Variants in COMMD6 observed in about 807,000 individuals in gnomAD.
The protein encoded by COMMD6 is COMM domain containing 6, also known as COMM domain-containing protein 6.
A neutral mutation model predicts 13.4 loss-of-function variants in COMMD6; 11 were observed. The ratio of observed to expected loss-of-function variants is 0.82; its 90% confidence interval spans 0.52 to 1.36. The LOEUF (loss-of-function observed/expected upper bound fraction) is 1.36. COMMD6 is among the 40% of genes most tolerant of loss of function. The probability of loss-of-function intolerance (pLI) is 0.00; values close to 1 mark genes in which losing one functional copy is unlikely to be tolerated. For synonymous variants in COMMD6, 43 were observed against 36.5 expected, an observed-to-expected ratio of 1.18 and a Z score of -0.64; for missense variants, 124 against 102.4, an observed-to-expected ratio of 1.21 and a Z score of -0.91.
upstream of COMMD6, among the ~76,000 whole-genome samples, chr13:75,542,228 C>A (rs542517931): frequency 8.2e-4 from 124 of 151,154 alleles, no homozygotes; most frequent in African/African-American, 2.8e-3. Flanking sequence ...GGCATTTATG[C>A]ATGAAAGCTG....
chr13:75,537,127 T>C (rs527621906), intron 2 of COMMD6, among the ~76,000 whole-genome samples: 48 of 152,356 alleles, frequency 3.2e-4, no homozygotes, highest in Non-Finnish European at 6.0e-4. Flanking sequence ...TTAGTACTCC[T>C]ATTCTGGGAA....
At chr13:75,537,968 T>G (rs1051794245), upstream of COMMD6, 38 of 624,182 alleles carry the variant, frequency 6.1e-5, 1 homozygote, top group Admixed American at 5.5e-4. Flanking sequence ...TAATTCAACA[T>G]ATATCTTAGG....
intron 1 of COMMD6, among the ~76,000 whole-genome samples, chr13:75,548,185 G>C (rs899707939): frequency 2.6e-5 from 4 of 152,234 alleles, no homozygotes; most frequent in African/African-American, 9.6e-5. Flanking sequence ...ACTGAGTCCA[G>C]CAGAGACTAA....
Position 75,530,538 on chromosome 13 carries a change from C to T in COMMD6, c.55-272G>A, listed in dbSNP as rs932076668. The T allele has an allele frequency of 3.4e-5, 8 of 234,060 alleles. No homozygotes were observed. In the South Asian group the frequency reaches 4.8e-4, roughly 14 times the overall value. 14.5% of individuals were successfully genotyped at this position (234,060 alleles called of 1,614,324 possible). ...AAAAAATCTCCCCTCCAATGTATAACGGAAGTGGAAGGAAGATGTGGCAGT... is the reference window on the plus strand; with the variant it reads ...AAAAAATCTCCCCTCCAATGTATAATGGAAGTGGAAGGAAGATGTGGCAGT... On this transcript the variant is annotated intron_variant, in intron 2 of 3. Transcript: ENST00000682242.
intron 2 of COMMD6, among the ~76,000 whole-genome samples, chr13:75,536,245 A>T (rs1048896213): frequency 1.6e-4 from 25 of 152,242 alleles, no homozygotes; most frequent in African/African-American, 5.8e-4. Flanking sequence ...GAACTAAAGA[A>T]CGTTCAACAA....
chr13:75,537,579 AC>A (rs2030718084), intron 2 of COMMD6, 84 bp downstream of exon 2: 5 of 1,600,898 alleles, frequency 3.1e-6, no homozygotes, highest in Middle Eastern at 2.0e-4. Flanking sequence ...ACTAGGGGAG[AC>A]CTGGGGAAGG....
chr13:75,539,700 G>A (rs565223415), upstream of COMMD6, among the ~76,000 whole-genome samples: 4 of 152,152 alleles, frequency 2.6e-5, no homozygotes, highest in Admixed American at 1.3e-4. Flanking sequence ...TCATAGGGTT[G>A]TTGGAGAATT....
chr13:75,548,657 T>C (rs1487943933), intron 1 of COMMD6, among the ~76,000 whole-genome samples: 2 of 152,236 alleles, frequency 1.3e-5, no homozygotes, highest in Non-Finnish European at 2.9e-5. Flanking sequence ...TGACAAGTGA[T>C]GTTTCTGCAT....
chr13:75,539,292 G>A (rs1183284368), upstream of COMMD6, among the ~76,000 whole-genome samples: 2 of 151,806 alleles, frequency 1.3e-5, no homozygotes, highest in East Asian at 1.9e-4. Context: ...AGACTGGAGT[G>A]CAGTGGTGCA....
At chr13:75,536,625 G>A (rs141129963) in intron 2 of COMMD6, among the ~76,000 whole-genome samples, 1 of 152,278 alleles carries the variant, frequency 6.6e-6, no homozygotes, top group African/African-American at 2.4e-5. Flanking sequence ...CTTTGAAGAT[G>A]GAAGCAGAGG....
chr13:75,540,325 TACAC>T (rs1018807311), upstream of COMMD6, among the ~76,000 whole-genome samples: 9 of 102,012 alleles, frequency 8.8e-5, no homozygotes, highest in African/African-American at 2.8e-4. Flanking sequence ...GGGTGGTAAA[TACAC>T]ACACACACAC....
intron 1 of COMMD6, among the ~76,000 whole-genome samples, chr13:75,546,860 C>T (rs35680815): frequency 0.1 from 15,561 of 152,170 alleles, 1,094 homozygotes; most frequent in Non-Finnish European, 0.15. Context: ...ATAAAGTTGC[C>T]GTGAACACTG....
intron 2 of COMMD6, among the ~76,000 whole-genome samples, chr13:75,536,557 A>G (rs2138422949): frequency 6.6e-6 from 1 of 152,304 alleles, no homozygotes; most frequent in African/African-American, 2.4e-5. Flanking sequence ...GAGGGAGGAA[A>G]AAGGGTCAGA....
chr13:75,527,720 G>A, intron 3 of COMMD6: 1 of 1,230,906 alleles, frequency 8.1e-7, no homozygotes, highest in Non-Finnish European at 1.0e-6. Flanking sequence ...GATGAACCTG[G>A]AGGACATTGT....
upstream of COMMD6, among the ~76,000 whole-genome samples, chr13:75,541,956 A>G (rs1373856143): frequency 3.9e-5 from 6 of 152,242 alleles, no homozygotes; most frequent in African/African-American, 1.4e-4. Context: ...AGAAATACAT[A>G]TGCCATAGTA....
upstream of COMMD6, among the ~76,000 whole-genome samples, chr13:75,542,217 T>C (rs1455404047): frequency 1.3e-5 from 2 of 152,156 alleles, no homozygotes; most frequent in African/African-American, 2.4e-5. Flanking sequence ...TTTTGTTATC[T>C]GGCATTTATG....
At chr13:75,546,287 T>C (rs146174473) in intron 1 of COMMD6, among the ~76,000 whole-genome samples, 19 of 152,330 alleles carry the variant, frequency 1.2e-4, no homozygotes, top group Middle Eastern at 3.4e-3. Context: ...ATATGGACTA[T>C]TGGAGGAATA....
intron 2 of COMMD6, among the ~76,000 whole-genome samples, chr13:75,536,714 G>A (rs959515197): frequency 1.3e-5 from 2 of 152,138 alleles, no homozygotes; most frequent in African/African-American, 2.4e-5. Context: ...TTTTAGCACC[G>A]TAAGACTAGT....
intron 1 of COMMD6, among the ~76,000 whole-genome samples, chr13:75,547,231 A>G (rs1326926322): frequency 6.6e-6 from 1 of 151,972 alleles, no homozygotes; most frequent in Non-Finnish European, 1.5e-5. Context: ...CATTAAATAG[A>G]CCATCAAGAG....
Sources: allele counts gnomAD v4.1 joint callset (sites outside exome capture counted in the v4.1 genomes callset), GRCh38; gene constraint gnomAD v4.1.1; transcripts MANE v1.5; gene names NCBI Gene and HGNC (gene_info 2026-07-23, HGNC 2026-07-21).